UGT1A6: variants seen among roughly 807,000 people sequenced by gnomAD.
UGT1A6 encodes UDP-glucuronosyltransferase 1A6.
A neutral mutation model predicts 44.4 loss-of-function variants in UGT1A6; 32 were observed. That is an observed-to-expected ratio of 0.72 (90% confidence interval 0.54 to 0.97). The LOEUF is 0.97. UGT1A6 is among the 50% of genes least tolerant of loss of function. UGT1A6 has a pLI of 0.00. For missense variants in UGT1A6, 685 were observed against 661.9 expected (o/e 1.03, Z -0.38); for synonymous variants, 238 against 248.5 (o/e 0.96, Z 0.40).
At chr2:233,707,033 G>A (rs1432396998) in intron 1 of UGT1A6, among the ~76,000 whole-genome samples, 1 of 152,110 alleles carries the variant, frequency 6.6e-6, no homozygotes, top group Admixed American at 6.5e-5. Context: ...CAGCCCCCAA[G>A]GTAGAGGAAG....
rs67292694 is a variant in UGT1A6, at chr2:233,757,535, A to AATATATATATATATATAT, written c.862-9490_862-9473dup. Among the ~76,000 whole-genome samples the AATATATATATATATATAT allele has an allele frequency of 4.3e-3, 380 of 88,202 alleles. 7 individuals carry two copies. The highest frequency in any genetic ancestry group is 0.012 in the Middle Eastern group (2 of 172). The allele number at this position is 88,202 out of a possible 152,430, so 57.9% of individuals were successfully genotyped here. ...CAAAGCCAAAATCTTGCCTGTAAGG[A>AATATATATATATATATAT]ATATATATATATATATATATATATA... On this transcript the variant is annotated intron_variant, in intron 1 of 4. Transcript: ENST00000305139.
intron 1 of UGT1A6, among the ~76,000 whole-genome samples, chr2:233,758,187 G>A (rs1223519403): frequency 6.6e-6 from 1 of 152,214 alleles, no homozygotes; most frequent in African/African-American, 2.4e-5. Context: ...ATATTAATTG[G>A]ATTGCTTAGT....
intron 1 of UGT1A6, among the ~76,000 whole-genome samples, chr2:233,745,061 T>C (rs115414076): frequency 0.034 from 5,145 of 151,980 alleles, 165 homozygotes; most frequent in African/African-American, 0.052. Context: ...TTATTTGTAT[T>C]ATTTGTATTG....
chr2:233,703,438 T>C (rs182684854), intron 1 of UGT1A6, among the ~76,000 whole-genome samples: 291 of 152,278 alleles, frequency 1.9e-3, no homozygotes, highest in African/African-American at 6.5e-3. Context: ...TCTCTATTTC[T>C]ATGTCGTTAA....
intron 1 of UGT1A6, among the ~76,000 whole-genome samples, chr2:233,707,780 T>C (rs781721068): frequency 1.7e-4 from 26 of 152,240 alleles, no homozygotes; most frequent in Middle Eastern, 3.2e-3. Context: ...TTAGAGTATA[T>C]ACCTAGGGGT....
In UGT1A6 at chr2:233,768,473, A is replaced by G. The variant is rs1334897468; in HGVS notation, c.1301+34A>G. ...GAAGATACAGAAGAATACTTTGGTC[A>G]TGGCATTCATGATAAAATTGTTTCA... is the stretch of plus-strand genomic sequence containing the variant. On this transcript the variant is annotated intron_variant, in intron 4 of 4. Transcript: ENST00000305139. The G allele has an allele frequency of 3.8e-6, 6 of 1,597,614 alleles. No homozygotes were observed. The African/African-American group carries it at 4.0e-5, about 11-fold the overall frequency.
At position 233,772,409 on chromosome 2, in the gene UGT1A6, C is replaced by T. The variant is rs147132183; in HGVS notation, c.1449C>T (p.Tyr483=). The part of the protein sequence containing the change: ...LRPAAHDLTW[Y]QYHSLDVIGF... ...CCGCAGCCCACGACCTCACCTGGTA[C>T]CAGTACCATTCCTTGGACGTGATTG... is the stretch of plus-strand genomic sequence containing the variant. Residue 483 remains tyrosine (Y), a synonymous_variant, in exon 5 of 5, where the codon TAC becomes TAT. Coordinates refer to ENST00000305139, the MANE Select transcript of UGT1A6 (RefSeq NM_001072.4). 8.1e-6 allele frequency: 13 copies of T among 1,614,110 alleles called. No homozygotes were observed. In the African/African-American group the frequency reaches 1.2e-4, roughly 15 times the overall value.
intron 1 of UGT1A6, among the ~76,000 whole-genome samples, chr2:233,694,854 G>A (rs1014624976): frequency 6.6e-6 from 1 of 152,100 alleles, no homozygotes; most frequent in African/African-American, 2.4e-5. Context: ...CTTTTAATTG[G>A]GACATAATAT....
chr2:233,771,662 C>A (rs1000689194), intron 4 of UGT1A6: 1 of 152,330 alleles, frequency 6.6e-6, no homozygotes, highest in Non-Finnish European at 1.5e-5. Flanking sequence ...AATGAAATTT[C>A]TCACAAAATA....
intron 1 of UGT1A6, chr2:233,760,299 G>A (rs781590934): frequency 6.2e-7 from 1 of 1,613,582 alleles, no homozygotes. Context: ...TGGCTGTGGA[G>A]TCCCAGGGCG....
intron 1 of UGT1A6, among the ~76,000 whole-genome samples, chr2:233,752,803 G>A (rs140636687): frequency 3.1e-4 from 47 of 152,278 alleles, no homozygotes; most frequent in African/African-American, 1.1e-3. Flanking sequence ...TTCTGTAGAA[G>A]GAACACTTCC....
intron 1 of UGT1A6, chr2:233,719,603 T>G (rs138347224): frequency 3.1e-5 from 50 of 1,610,688 alleles, no homozygotes; most frequent in Non-Finnish European, 3.7e-5. Context: ...GAGGGGACTT[T>G]GTGATGGACT....
At chr2:233,711,602 G>A (rs764299544) in intron 1 of UGT1A6, among the ~76,000 whole-genome samples, 1 of 152,140 alleles carries the variant, frequency 6.6e-6, no homozygotes, top group Non-Finnish European at 1.5e-5. Flanking sequence ...TCCTGCCTGC[G>A]CCCTCTGGTG....
chr2:233,771,098 A>C (rs1387885615), intron 4 of UGT1A6: 1 of 152,210 alleles, frequency 6.6e-6, no homozygotes, highest in Non-Finnish European at 1.5e-5. Flanking sequence ...TATCAGGAAG[A>C]CAGCACTAAA....
intron 1 of UGT1A6, chr2:233,719,224 A>C: frequency 1.2e-6 from 2 of 1,614,188 alleles, no homozygotes; most frequent in Non-Finnish European, 1.7e-6. Context: ...CTGCATAATG[A>C]GGCCCTGATC....
In UGT1A6 at chr2:233,722,423, G is replaced by C. The variant is rs1325775698; in HGVS notation, c.861+28558G>C. ...TCCTTGATTTAAAGTTTATGGATAG[G>C]TTGAATTATTTGATTGGTCTTCTCA... On this transcript the variant is annotated intron_variant, in intron 1 of 4. Transcript: ENST00000305139. Among the ~76,000 whole-genome samples, 3 of 152,154 alleles carry C rather than the reference G, an allele frequency of 2.0e-5. No homozygotes were observed. The East Asian group carries it at 5.8e-4, about 29-fold the overall frequency.
At chr2:233,762,750 TA>T (rs777496065) in intron 1 of UGT1A6, among the ~76,000 whole-genome samples, 22 of 152,278 alleles carry the variant, frequency 1.4e-4, no homozygotes, top group East Asian at 1.9e-4. Flanking sequence ...GTGAATGTGT[TA>T]TTTTTTTGCA....
chr2:233,702,923 C>T (rs534007977), intron 1 of UGT1A6, among the ~76,000 whole-genome samples: 90 of 152,206 alleles, frequency 5.9e-4, no homozygotes, highest in African/African-American at 1.1e-3. Flanking sequence ...TATTTTCTTG[C>T]GGAGCCTTGG....
At chr2:233,742,158 AC>A (rs1177147410) in intron 1 of UGT1A6, among the ~76,000 whole-genome samples, 1 of 151,894 alleles carries the variant, frequency 6.6e-6, no homozygotes, top group Non-Finnish European at 1.5e-5. Flanking sequence ...CGAATTAAAG[AC>A]ACACACACAG....
Sources: allele counts gnomAD v4.1 joint callset (sites outside exome capture counted in the v4.1 genomes callset), GRCh38; gene constraint gnomAD v4.1.1; transcripts MANE v1.5; gene names NCBI Gene and HGNC (gene_info 2026-07-23, HGNC 2026-07-21).